INSIG1: variants seen among roughly 807,000 people sequenced by gnomAD.
INSIG1 encodes insulin induced gene 1.
In INSIG1, 14 loss-of-function variants were observed where a neutral mutation model predicts 26.5. The observed-to-expected ratio is 0.53, with a 90% CI of 0.35 to 0.83. The LOEUF is 0.83. Ranked by LOEUF, INSIG1 falls within the 40% of genes least tolerant of loss-of-function variation. The pLI, the probability that INSIG1 is intolerant of heterozygous loss-of-function variation, is 0.01. For missense variants in INSIG1, 272 were observed against 368.9 expected (o/e 0.74, Z 2.15); for synonymous variants, 147 against 153.3 (o/e 0.96, Z 0.30).
At chr7:155,300,608 C>T (rs557672314) in intron 2 of INSIG1, among the ~76,000 whole-genome samples, 1 of 152,110 alleles carries the variant, frequency 6.6e-6, no homozygotes, top group African/African-American at 2.4e-5. Flanking sequence ...GCACCCCACT[C>T]CCCCCTACAG....
intron 1 of INSIG1, 120 bp downstream of exon 1, chr7:155,298,079 C>G: frequency 2.3e-6 from 1 of 435,882 alleles, no homozygotes; most frequent in Non-Finnish European, 3.9e-6. Flanking sequence ...CCCGCTGGGG[C>G]CGGGGATGCT....
rs1288625566 is a variant in INSIG1 at position 155,309,739 on chromosome 7, A to T, written c.*1469A>T. 1 of 152,186 alleles carries T rather than the reference A, an allele frequency of 6.6e-6. No homozygotes were observed. The highest frequency in any genetic ancestry group is 2.4e-5 in the African/African-American group (1 of 41,426). The allele number at this position is 152,186 out of a possible 1,614,324, so 9.4% of individuals were successfully genotyped here. A position where few individuals can be genotyped will look rare whatever the true frequency, so the allele number is the denominator to read the frequency against. ...CTTTGTTTTGAGGGAAATGTCTTGG[A>T]GTAAATTTTAAGTTCCTGGAGTTAA... On this transcript the variant is annotated 3_prime_UTR_variant, in exon 6 of 6. Coordinates refer to ENST00000340368, the MANE Select transcript of INSIG1 (RefSeq NM_005542.6).
rs1220034512 is a variant in INSIG1 at position 155,301,552 on chromosome 7, C to CT, written c.413-8dup. On this transcript the variant is annotated splice_polypyrimidine_tract_variant and intron_variant, in intron 2 of 5. Transcript: ENST00000340368. ...ATCTGCTGTATTCTAACATTGTCAA[C>CT]TTTTTTAAAACAGCTGTTGTTGGCC... is the stretch of plus-strand genomic sequence containing the variant. 2.5e-6 allele frequency: 4 copies of CT among 1,599,058 alleles called. No homozygotes were observed. Among genetic ancestry groups the CT allele is most frequent in the Admixed American group, 1.7e-5 (1 of 58,590 alleles).
In INSIG1 at chr7:155,301,589, T is replaced by C. The variant is rs776434139; in HGVS notation, c.436T>C (p.Cys146Arg). Residue 146 changes from cysteine (C) to arginine (R), a missense_variant, in exon 3 of 6, where the codon TGT becomes CGT. Physicochemically the swap from Cys to Arg is radical, Grantham distance 180. Transcript: ENST00000340368. ...AAAVVGLLYP[C>R]IDSHLGEPHK... ...AGCTGTTGTTGGCCTACTGTACCCCTGTATCGACAGTCACCTCGGAGAACC... is the reference window on the plus strand; with the variant it reads ...AGCTGTTGTTGGCCTACTGTACCCCCGTATCGACAGTCACCTCGGAGAACC... 1.9e-6 allele frequency: 3 copies of C among 1,610,248 alleles called. No individual in the cohort carries two copies. The highest frequency in any genetic ancestry group is 2.5e-6 in the Non-Finnish European group (3 of 1,177,190).
intron 5 of INSIG1, among the ~76,000 whole-genome samples, chr7:155,303,564 C>T (rs532863999): frequency 6.6e-6 from 1 of 152,194 alleles, no homozygotes; most frequent in African/African-American, 2.4e-5. Flanking sequence ...TCACAGCCCC[C>T]CTGAGGGAGA....
At chr7:155,299,839 G>A (rs993094482) in intron 2 of INSIG1, among the ~76,000 whole-genome samples, 2 of 152,224 alleles carry the variant, frequency 1.3e-5, no homozygotes, top group Non-Finnish European at 2.9e-5. Flanking sequence ...CCAAGCCATC[G>A]TTGGTAACTG....
At position 155,300,006 on chromosome 7, in the gene INSIG1, G is replaced by A. The variant is rs564161058; in HGVS notation, c.412+1309G>A. Reference sequence around the variant, plus strand: ...AGGTGTCTGTAATTATTAAGTAGTGGGTAGAATGTTTTCATATTTGTTCTC... The same window carrying A: ...AGGTGTCTGTAATTATTAAGTAGTGAGTAGAATGTTTTCATATTTGTTCTC... On this transcript the variant is annotated intron_variant, in intron 2 of 5. Transcript: ENST00000340368. 8.3e-4 allele frequency among the ~76,000 whole-genome samples: 127 copies of A among 152,124 alleles called. 2 individuals carry two copies. Among genetic ancestry groups the A allele is most frequent in the African/African-American group, 3.0e-3 (126 of 41,474 alleles).
intron 5 of INSIG1, among the ~76,000 whole-genome samples, chr7:155,303,558 A>G (rs1797851666): frequency 6.6e-6 from 1 of 152,228 alleles, no homozygotes; most frequent in Non-Finnish European, 1.5e-5. Flanking sequence ...CTTCTCTCAC[A>G]GCCCCCCTGA....
intron 5 of INSIG1, among the ~76,000 whole-genome samples, chr7:155,305,226 C>T (rs1370881970): frequency 1.3e-5 from 2 of 151,988 alleles, no homozygotes. Context: ...AAACTGACCT[C>T]TGAGGTTCTA....
rs1369357387 is a variant in INSIG1 at position 155,298,693 on chromosome 7, A to G, written c.408A>G (p.Ala136=). 1 of 1,610,020 alleles carries G rather than the reference A, an allele frequency of 6.2e-7. No homozygotes were observed. The highest frequency in any genetic ancestry group is 8.5e-7 in the Non-Finnish European group (1 of 1,179,756). The change falls in exon 2 of 6, where the codon GCA becomes GCG. Residue 136 remains alanine (A), a synonymous_variant. Coordinates refer to ENST00000340368, the MANE Select transcript of INSIG1 (RefSeq NM_005542.6). ...AWWVPPCCGT[A]AAVVGLLYPC... ...GGGTCCCTCCCTGCTGCGGGACAGC[A>G]GCTGGTGAGTACCCCTCCTGGTTCT... is the stretch of plus-strand genomic sequence containing the variant.
chr7:155,298,800 A>C, intron 2 of INSIG1, 103 bp downstream of exon 2: 6 of 1,120,296 alleles, frequency 5.4e-6, no homozygotes, highest in Non-Finnish European at 7.5e-6. Flanking sequence ...GGAACTATCC[A>C]CAGATTGAAA....
intron 5 of INSIG1, among the ~76,000 whole-genome samples, chr7:155,304,434 G>A (rs1220082469): frequency 6.6e-6 from 1 of 152,174 alleles, no homozygotes; most frequent in East Asian, 1.9e-4. Flanking sequence ...TTCCTAAGAA[G>A]GTTTTTAGAA....
At chr7:155,303,975 CCTTTT>C in intron 5 of INSIG1, 5 of 387,478 alleles carry the variant, frequency 1.3e-5, no homozygotes, top group Admixed American at 6.2e-5. Context: ...ACTTTGCTTG[CCTTTT>C]TTTTTTTTTT....
At chr7:155,304,649 G>A (rs1797886278) in intron 5 of INSIG1, among the ~76,000 whole-genome samples, 1 of 152,162 alleles carries the variant, frequency 6.6e-6, no homozygotes, top group South Asian at 2.1e-4. Context: ...AATGGTTGGA[G>A]GAAACATTTT....
chr7:155,298,001 T>C (rs1797664850), intron 1 of INSIG1, 42 bp downstream of exon 1: 2 of 303,890 alleles, frequency 6.6e-6, no homozygotes, highest in Admixed American at 5.1e-5. Flanking sequence ...CGGGCTTTGG[T>C]CGCGCAGCAG....
chr7:155,305,133 A>T (rs1412466230), intron 5 of INSIG1, among the ~76,000 whole-genome samples: 7 of 150,436 alleles, frequency 4.7e-5, no homozygotes, highest in Non-Finnish European at 7.4e-5. Flanking sequence ...GTGACAGAGC[A>T]AGACTCTGTC....
chr7:155,301,663 T>G lies in INSIG1; in HGVS notation c.510T>G (p.Val170=). 6.2e-7 allele frequency: 1 copy of G among 1,601,880 alleles called. No homozygotes were observed. The change falls in exon 3 of 6, where the codon GTT becomes GTG. Residue 170 remains valine, a synonymous_variant. Transcript: ENST00000340368. Reference sequence around the variant, plus strand: ...CCAGTGTCATGCGCTGCATAGCAGTTTTTGTTGGCATTAACCACGCCAGTG... The same window carrying G: ...CCAGTGTCATGCGCTGCATAGCAGTGTTTGTTGGCATTAACCACGCCAGTG... The part of the protein sequence containing the change: ...EWASVMRCIA[V]FVGINHASAK...
rs1170560795 is a variant in INSIG1 at position 155,302,216 on chromosome 7, G to T, written c.538-35G>T. On this transcript the variant is annotated intron_variant, in intron 3 of 5. Coordinates refer to ENST00000340368, the MANE Select transcript of INSIG1 (RefSeq NM_005542.6). This position sits in a 1 kb window ranked among gnomAD's most constrained non-coding sequence, Gnocchi z 4.3. Reference sequence around the variant, plus strand: ...TTTACGTTTTTTTATCTTAATAAGAGTCAGCAAACTTTTCCTTAACTTTTA... The same window carrying T: ...TTTACGTTTTTTTATCTTAATAAGATTCAGCAAACTTTTCCTTAACTTTTA... 3 of 1,522,446 alleles carry T rather than the reference G, an allele frequency of 2.0e-6. No homozygotes were observed. The highest frequency in any genetic ancestry group is 2.8e-5 in the African/African-American group (2 of 70,502). 94.3% of individuals were successfully genotyped at this position (1,522,446 alleles called of 1,614,324 possible).
chr7:155,299,750 C>T (rs1797735158), intron 2 of INSIG1, among the ~76,000 whole-genome samples: 1 of 152,168 alleles, frequency 6.6e-6, no homozygotes, highest in Non-Finnish European at 1.5e-5. Flanking sequence ...TACAGCAATA[C>T]CATGTGTAGC....
Sources: allele counts gnomAD v4.1 joint callset (sites outside exome capture counted in the v4.1 genomes callset), GRCh38; gene constraint gnomAD v4.1.1; non-coding constraint Gnocchi (gnomAD v3.1); transcripts MANE v1.5; gene names NCBI Gene and HGNC (gene_info 2026-07-23, HGNC 2026-07-21).